The following ERRFI1 variants were observed in gnomAD, a reference collection of about 807,000 sequenced individuals.
ERRFI1 encodes the protein mitogen-inducible gene 6 protein.
In ERRFI1, 12 loss-of-function variants were observed where a neutral mutation model predicts 14.6. The ratio of observed to expected loss-of-function variants is 0.82; its 90% CI spans 0.53 to 1.33. The LOEUF (loss-of-function observed/expected upper bound fraction) is 1.33, where lower values mean the gene tolerates loss of function less well. Ranked by LOEUF, ERRFI1 falls within the 40% of genes most tolerant of loss-of-function variation. The probability of loss-of-function intolerance (pLI) is 0.00; values close to 1 mark genes in which losing one functional copy is unlikely to be tolerated. For synonymous variants in ERRFI1, 202 were observed against 209.9 expected, an observed-to-expected ratio of 0.96 and a Z score of 0.32; for missense variants, 482 against 572.1, an observed-to-expected ratio of 0.84 and a Z score of 1.61.
chr1:8,014,642 G>A (rs1006745544), intron 3 of ERRFI1: 24 of 473,780 alleles, frequency 5.1e-5, no homozygotes, highest in Non-Finnish European at 8.2e-5. Flanking sequence ...TGTGCACAGC[G>A]CACACCCACA....
intron 1 of ERRFI1, among the ~76,000 whole-genome samples, chr1:8,021,945 G>A (rs537390199): frequency 2.0e-5 from 3 of 152,242 alleles, no homozygotes; most frequent in South Asian, 2.1e-4. Context: ...AGTAGGATCC[G>A]ACTGACTATA....
Position 8,012,963 on chromosome 1 carries a change from C to G in ERRFI1, c.*247G>C, listed in dbSNP as rs905999957. ...ATGTATGCATATATAAAAAGCTTCC[C>G]CATCCTCCCCTCCCCACCATCACAT... On this transcript the variant is annotated 3_prime_UTR_variant, in exon 4 of 4. Transcript: ENST00000377482. 2.2e-5 allele frequency: 11 copies of G among 493,602 alleles called. 1 individual carries two copies. The highest frequency in any genetic ancestry group is 1.9e-4 in the Admixed American group (5 of 26,136). The allele number at this position is 493,602 out of a possible 1,614,324, so 30.6% of individuals were successfully genotyped here.
At position 8,015,314 on chromosome 1, in the gene ERRFI1, G is replaced by T; in HGVS notation, c.196C>A (p.Pro66Thr). ...LNSSAQERLI[P>T]LGHASKSAPM... is the part of the protein sequence containing the mutation. ...AGATTTTCAGAATACATACCAAGTG[G>T]TATTAGGCGCTCCTGAGCAGAAGAG... The change falls in exon 3 of 4, where the codon CCA becomes ACA. Residue 66 changes from proline to threonine, a missense_variant. Transcript: ENST00000377482. 1 of 1,613,706 alleles carries T rather than the reference G, an allele frequency of 6.2e-7. No homozygotes were observed. Among genetic ancestry groups the T allele is most frequent in the Non-Finnish European group, 8.5e-7 (1 of 1,179,594 alleles).
chr1:8,014,327 C>A lies in ERRFI1; in HGVS notation c.272G>T (p.Ser91Ile). Residue 91 changes from serine to isoleucine, a missense_variant, in exon 4 of 4, where the codon AGC becomes ATC. Transcript: ENST00000377482. ...FAENGPSQKSSLPPLLIPPSE... is the reference protein window; with the variant it reads ...FAENGPSQKSILPPLLIPPSE... ...TGGGGGAATAAGAAGAGGGGGCAAGCTGGACTTTTGAGATGGACCATTTTC... is the reference window on the plus strand; with the variant it reads ...TGGGGGAATAAGAAGAGGGGGCAAGATGGACTTTTGAGATGGACCATTTTC... The A allele has an allele frequency of 6.2e-7, 1 of 1,612,586 alleles. No individual in the cohort carries two copies.
rs1259038785 is a variant in ERRFI1 at position 8,014,265 on chromosome 1, C to T, written c.334G>A (p.Val112Ile). 2 of 1,614,018 alleles carry T rather than the reference C, an allele frequency of 1.2e-6. No homozygotes were observed. Among genetic ancestry groups the T allele is most frequent in the Non-Finnish European group, 1.7e-6 (2 of 1,180,034 alleles). ...NLGPHEEDQV[V>I]CGFKKLTVNG... ...ACTGTGAGTTTCTTAAAACCACATA[C>T]AACTTGATCCTCTTCATGTGGTCCC... Residue 112 changes from valine (V) to isoleucine (I), a missense_variant, in exon 4 of 4, where the codon GTA (valine) becomes ATA (isoleucine). Transcript: ENST00000377482.
Position 8,013,917 on chromosome 1 carries a change from G to T in ERRFI1, c.682C>A (p.Gln228Lys). ...TTTGGATCTGGGACACCTCCATTTT[G>T]GTCAGACACATAGCTGAGATCTGCT... ...SAADLSYVSDQNGGVPDPNPP... is the reference protein window; with the variant it reads ...SAADLSYVSDKNGGVPDPNPP... The change falls in exon 4 of 4, where the codon CAA (glutamine) becomes AAA (lysine). Residue 228 changes from glutamine to lysine, a missense_variant. Gln to Lys is a moderately conservative substitution (Grantham distance 53). Coordinates refer to ENST00000377482, the MANE Select transcript of ERRFI1 (RefSeq NM_018948.4). This position sits in a 1 kb window ranked among gnomAD's most constrained non-coding sequence, Gnocchi z 4.3. 4 of 1,614,072 alleles carry T rather than the reference G, an allele frequency of 2.5e-6. No individual in the cohort carries two copies. The highest frequency in any genetic ancestry group is 3.4e-6 in the Non-Finnish European group (4 of 1,180,018).
chr1:8,023,276 T>G (rs968499832), intron 1 of ERRFI1, among the ~76,000 whole-genome samples: 1 of 152,112 alleles, frequency 6.6e-6, no homozygotes, highest in African/African-American at 2.4e-5. Flanking sequence ...GCCCCACATT[T>G]TTTTGTTTGT....
chr1:8,015,759 A>C (rs1381232199), intron 1 of ERRFI1, 67 bp from the exon 2 acceptor site: 1 of 1,023,530 alleles, frequency 9.8e-7, no homozygotes, highest in African/African-American at 1.6e-5. Flanking sequence ...GGACAGTCTA[A>C]ATTACAGCAA....
chr1:8,025,580 C>T (rs1269845538), intron 1 of ERRFI1, among the ~76,000 whole-genome samples: 1 of 152,194 alleles, frequency 6.6e-6, no homozygotes, highest in Non-Finnish European at 1.5e-5. Context: ...CAAGCAATCG[C>T]CGAGCCTCCC....
In ERRFI1 at chr1:8,013,894, TG is replaced by T; in HGVS notation, c.704del (p.Pro235GlnfsTer12). On this transcript the variant is annotated frameshift_variant, in exon 4 of 4. Transcript: ENST00000377482. LOFTEE classifies it high-confidence loss of function. The surrounding 1 kb of genome is among the most constrained non-coding windows in gnomAD (Gnocchi z 4.3). Reference sequence around the variant, plus strand: ...GGTGGGTCTGAGGTGGAGGAGGATTTGGATCTGGGACACCTCCATTTTGGTC... The same window carrying T: ...GGTGGGTCTGAGGTGGAGGAGGATTTGATCTGGGACACCTCCATTTTGGTC... ...VSDQNGGVPDPNPPPPQTHRR... is the reference protein window; with the variant it reads ...VSDQNGGVPDXNPPPPQTHRR... 1.2e-6 allele frequency: 2 copies of T among 1,614,114 alleles called. No individual in the cohort carries two copies. Among genetic ancestry groups the T allele is most frequent in the Non-Finnish European group, 1.7e-6 (2 of 1,179,994 alleles).
intron 1 of ERRFI1, among the ~76,000 whole-genome samples, chr1:8,024,309 G>A (rs183224449): frequency 3.9e-4 from 60 of 152,256 alleles, no homozygotes; most frequent in Non-Finnish European, 5.1e-4. Flanking sequence ...TGAACTGCAA[G>A]TAGGAAAACC....
At chr1:8,017,167 T>TA (rs900104720) in intron 1 of ERRFI1, among the ~76,000 whole-genome samples, 81 of 152,132 alleles carry the variant, frequency 5.3e-4, no homozygotes, top group African/African-American at 1.9e-3. Context: ...TAAAAACTTT[T>TA]AAAAAATACT....
intron 1 of ERRFI1, among the ~76,000 whole-genome samples, chr1:8,023,262 C>T (rs1277929892): frequency 6.6e-6 from 1 of 152,022 alleles, no homozygotes; most frequent in Non-Finnish European, 1.5e-5. Context: ...TTTCTGTAGC[C>T]AAAGCCCCAC....
chr1:8,023,322 G>C (rs1641298937), intron 1 of ERRFI1, among the ~76,000 whole-genome samples: 1 of 152,026 alleles, frequency 6.6e-6, no homozygotes, highest in Non-Finnish European at 1.5e-5. Context: ...TCTGTCACCA[G>C]GCTGTAGTGC....
chr1:8,013,486 T>A lies in ERRFI1; in HGVS notation c.1113A>T (p.Gly371=). The A allele has an allele frequency of 6.2e-7, 1 of 1,614,206 alleles. No individual in the cohort carries two copies. Among genetic ancestry groups the A allele is most frequent in the South Asian group, 1.1e-5 (1 of 91,078 alleles). ...SKALQRQNSE[G]SASKVPCILP... ...GAATGCAAGGAACCTTACTGGCAGA[T>A]CCTTCGCTGTTCTGTCTTTGCAGTG... The change falls in exon 4 of 4, where the codon GGA becomes GGT. Residue 371 remains glycine, a synonymous_variant. Transcript: ENST00000377482. The surrounding 1 kb of genome is among the most constrained non-coding windows in gnomAD (Gnocchi z 4.3).
chr1:8,014,643 C>T, intron 3 of ERRFI1: 3 of 474,280 alleles, frequency 6.3e-6, no homozygotes, highest in Non-Finnish European at 1.1e-5. Context: ...GTGCACAGCG[C>T]ACACCCACAC....
intron 1 of ERRFI1, among the ~76,000 whole-genome samples, 156 bp downstream of exon 1, chr1:8,026,002 C>T (rs2124081647): frequency 6.6e-6 from 1 of 151,948 alleles, no homozygotes; most frequent in Non-Finnish European, 1.5e-5. Context: ...CCCTCCATCC[C>T]AGAGACTCCG....
Position 8,025,857 on chromosome 1 carries a change from C to T in ERRFI1, c.-74+301G>A, listed in dbSNP as rs544460046. Reference sequence around the variant, plus strand: ...CCCGGCCAGCCGAGGGGCCGCGCGACGACCACAGCCGGCGTGGAGAAGGCG... The same window carrying T: ...CCCGGCCAGCCGAGGGGCCGCGCGATGACCACAGCCGGCGTGGAGAAGGCG... On this transcript the variant is annotated intron_variant, in intron 1 of 3. Coordinates refer to ENST00000377482, the MANE Select transcript of ERRFI1 (RefSeq NM_018948.4). Among the ~76,000 whole-genome samples, 75 of 152,196 alleles carry T rather than the reference C, an allele frequency of 4.9e-4. 1 individual carries two copies. The highest frequency in any genetic ancestry group is 1.8e-3 in the African/African-American group (73 of 41,562).
chr1:8,013,124 G>A lies in ERRFI1; in HGVS notation c.*86C>T. On this transcript the variant is annotated 3_prime_UTR_variant, in exon 4 of 4. Transcript: ENST00000377482. The surrounding 1 kb of genome is among the most constrained non-coding windows in gnomAD (Gnocchi z 4.3). ...TCAACTATTTTATTTTGCAATCTAA[G>A]GGATTTTTCTCTGCACTTCAATCAA... 1 of 1,174,182 alleles carries A rather than the reference G, an allele frequency of 8.5e-7. No homozygotes were observed. The highest frequency in any genetic ancestry group is 1.6e-5 in the South Asian group (1 of 64,456). 72.7% of individuals were successfully genotyped at this position (1,174,182 alleles called of 1,614,324 possible).
Sources: allele counts gnomAD v4.1 joint callset (sites outside exome capture counted in the v4.1 genomes callset), GRCh38; gene constraint gnomAD v4.1.1; non-coding constraint Gnocchi (gnomAD v3.1); transcripts MANE v1.5; gene names NCBI Gene and HGNC (gene_info 2026-07-23, HGNC 2026-07-21).